Variants in RNF152 observed in about 807,000 individuals in gnomAD.
RNF152 encodes the protein E3 ubiquitin-protein ligase RNF152.
A neutral mutation model predicts 12.7 loss-of-function variants in RNF152; 11 were observed. The observed-to-expected ratio is 0.86, with a 90% CI of 0.54 to 1.43. The LOEUF is 1.43. Ranked by LOEUF, RNF152 falls within the 40% of genes most tolerant of loss-of-function variation. The probability of loss-of-function intolerance (pLI) is 0.00; values close to 1 mark genes in which losing one functional copy is unlikely to be tolerated. For missense variants in RNF152, 255 were observed against 274.8 expected (o/e 0.93, Z 0.51); for synonymous variants, 113 against 120.3 (o/e 0.94, Z 0.40).
chr18:61,828,932 G>T (rs56043347), intron 1 of RNF152, among the ~76,000 whole-genome samples: 40,481 of 151,962 alleles, frequency 0.27, 6,188 homozygotes, highest in Non-Finnish European at 0.35. Flanking sequence ...TGAACTGGAA[G>T]AAGGAGCACC....
intron 1 of RNF152, among the ~76,000 whole-genome samples, chr18:61,887,383 C>G (rs1298669400): frequency 6.8e-6 from 1 of 146,020 alleles, no homozygotes; most frequent in Non-Finnish European, 1.5e-5. Flanking sequence ...TGGCAACTGT[C>G]ACTAAGTGAA....
intron 1 of RNF152, among the ~76,000 whole-genome samples, chr18:61,824,307 G>A (rs1909557170): frequency 6.6e-6 from 1 of 152,206 alleles, no homozygotes; most frequent in South Asian, 2.1e-4. Flanking sequence ...GAGGACTCTG[G>A]ATTAGATGGT....
At chr18:61,823,902 G>A (rs918654718) in intron 1 of RNF152, among the ~76,000 whole-genome samples, 5 of 152,220 alleles carry the variant, frequency 3.3e-5, no homozygotes, top group African/African-American at 1.2e-4. Context: ...AGGGCATCCT[G>A]TGCCAGGGGA....
chr18:61,825,437 CT>C, intron 1 of RNF152, among the ~76,000 whole-genome samples: 1 of 152,350 alleles, frequency 6.6e-6, no homozygotes, highest in Non-Finnish European at 1.5e-5. Flanking sequence ...GCCCACTGTT[CT>C]TTCCACTCCA....
intron 1 of RNF152, among the ~76,000 whole-genome samples, chr18:61,871,725 G>C (rs1019721341): frequency 2.6e-5 from 4 of 152,200 alleles, no homozygotes; most frequent in African/African-American, 9.7e-5. Context: ...AGCCTGGCTT[G>C]TTCTGGTAGG....
intron 1 of RNF152, among the ~76,000 whole-genome samples, chr18:61,830,314 C>T (rs984931031): frequency 6.6e-6 from 1 of 152,142 alleles, no homozygotes; most frequent in Non-Finnish European, 1.5e-5. Flanking sequence ...GCATGAGCCA[C>T]AGTGCCCAGC....
intron 1 of RNF152, among the ~76,000 whole-genome samples, chr18:61,823,112 C>T (rs770190094): frequency 1.3e-5 from 2 of 152,238 alleles, no homozygotes; most frequent in African/African-American, 2.4e-5. Flanking sequence ...GACACAACTG[C>T]TGCATACATG....
intron 1 of RNF152, among the ~76,000 whole-genome samples, chr18:61,846,177 G>A (rs1213622667): frequency 6.6e-6 from 1 of 152,044 alleles, no homozygotes; most frequent in Non-Finnish European, 1.5e-5. Flanking sequence ...CACCTGAAAG[G>A]ACAAAGATAC....
In RNF152 at chr18:61,811,186, AC is replaced by A. The variant is rs1912963927; in HGVS notation, c.*4665del. 1 of 152,222 alleles carries A rather than the reference AC, an allele frequency of 6.6e-6. No individual in the cohort carries two copies. Among genetic ancestry groups the A allele is most frequent in the Non-Finnish European group, 1.5e-5 (1 of 68,042 alleles). 9.4% of individuals were successfully genotyped at this position (152,222 alleles called of 1,614,324 possible). A position where few individuals can be genotyped will look rare whatever the true frequency, so the allele number is the denominator to read the frequency against. On this transcript the variant is annotated 3_prime_UTR_variant, in exon 2 of 2. Transcript: ENST00000312828. ...ATTTTGTATATATTCCATTTGGAAA[AC>A]AATGAAAAGCAGACTAACCAATTTT... is the stretch of plus-strand genomic sequence containing the variant.
intron 1 of RNF152, among the ~76,000 whole-genome samples, chr18:61,857,578 C>A (rs1287916009): frequency 1.3e-5 from 2 of 152,316 alleles, no homozygotes; most frequent in African/African-American, 4.8e-5. Flanking sequence ...TTCAAACCTA[C>A]TGTTACTTCC....
chr18:61,884,894 T>C (rs1178297352), intron 1 of RNF152, among the ~76,000 whole-genome samples: 2 of 152,224 alleles, frequency 1.3e-5, no homozygotes, highest in Non-Finnish European at 2.9e-5. Context: ...ATTGTTTGCC[T>C]AATAAGTGGT....
chr18:61,844,117 AGAAAGAAAGAAAG>A (rs1910619082), intron 1 of RNF152, among the ~76,000 whole-genome samples: 1 of 136,816 alleles, frequency 7.3e-6, no homozygotes, highest in Non-Finnish European at 1.7e-5. Context: ...AAAGAAAGAA[AGAAAGAAAGAAAG>A]AAAGAAAGAA....
intron 1 of RNF152, among the ~76,000 whole-genome samples, chr18:61,867,258 C>T (rs1290571945): frequency 6.6e-6 from 1 of 152,152 alleles, no homozygotes; most frequent in Non-Finnish European, 1.5e-5. Flanking sequence ...CAAGACCAGC[C>T]TGGCCAACAT....
chr18:61,825,284 A>G (rs1449816436), intron 1 of RNF152, among the ~76,000 whole-genome samples: 2 of 152,224 alleles, frequency 1.3e-5, no homozygotes, highest in East Asian at 1.9e-4. Flanking sequence ...TAGACAGAGC[A>G]CTGGAAGGAG....
intron 1 of RNF152, among the ~76,000 whole-genome samples, chr18:61,829,941 T>A (rs1472668009): frequency 6.6e-6 from 1 of 152,146 alleles, no homozygotes; most frequent in African/African-American, 2.4e-5. Flanking sequence ...TTCTTACTAT[T>A]TTAGCCATTT....
intron 1 of RNF152, among the ~76,000 whole-genome samples, chr18:61,874,204 C>T (rs1015276520): frequency 6.6e-6 from 1 of 152,302 alleles, no homozygotes; most frequent in Admixed American, 6.5e-5. Flanking sequence ...ATAATAATTT[C>T]CCCTAATATT....
chr18:61,878,471 C>T (rs139497201), intron 1 of RNF152, among the ~76,000 whole-genome samples: 34 of 152,358 alleles, frequency 2.2e-4, no homozygotes, highest in African/African-American at 7.7e-4. Flanking sequence ...AACAAACTCA[C>T]GTGTTAATCA....
chr18:61,833,242 G>A (rs1051480928), intron 1 of RNF152, among the ~76,000 whole-genome samples: 3 of 152,146 alleles, frequency 2.0e-5, no homozygotes, highest in Admixed American at 1.3e-4. Flanking sequence ...GATGTAGGTC[G>A]CAAGAATCAG....
intron 1 of RNF152, among the ~76,000 whole-genome samples, chr18:61,828,464 G>A (rs568257888): frequency 1.2e-3 from 189 of 152,124 alleles, no homozygotes; most frequent in African/African-American, 4.2e-3. Flanking sequence ...TTGCCATGTT[G>A]CCCAGGCTGA....
Sources: gnomAD v4.1 joint callset for allele counts (sites outside exome capture counted in the v4.1 genomes callset) on GRCh38, gnomAD v4.1.1 for gene constraint, MANE v1.5 for transcripts, NCBI Gene and HGNC (gene_info 2026-07-23, HGNC 2026-07-21) for gene names.